The following ZNF354C variants were observed in gnomAD, a reference collection of about 807,000 sequenced individuals.
ZNF354C encodes zinc finger protein 354C.
A neutral mutation model predicts 12.4 loss-of-function variants in ZNF354C; 7 were observed. The ratio of observed to expected loss-of-function variants is 0.56; its 90% CI spans 0.32 to 1.06. ZNF354C has a LOEUF of 1.06. ZNF354C is among the 50% of genes least tolerant of loss of function. The pLI, the probability that ZNF354C is intolerant of heterozygous loss-of-function variation, is 0.04. For missense variants in ZNF354C, 609 were observed against 658.0 expected, an observed-to-expected ratio of 0.93 and a Z score of 0.81; for synonymous variants, 202 against 224.5, an observed-to-expected ratio of 0.90 and a Z score of 0.90.
At position 179,077,597 on chromosome 5, in the gene ZNF354C, G is replaced by T. The variant is rs77752441; in HGVS notation, c.250+431G>T. ...AGAAGAAATGAATATGTCTCTCTTT[G>T]TGATAAAATAAAAAGAGGAAAATAA... On this transcript the variant is annotated intron_variant, in intron 4 of 4. Transcript: ENST00000315475. Among the ~76,000 whole-genome samples the T allele has an allele frequency of 3.1e-3, 475 of 152,128 alleles. 2 individuals carry two copies. The highest frequency in any genetic ancestry group is 0.01 in the African/African-American group (435 of 41,500).
chr5:179,061,912 T>G, intron 1 of ZNF354C, 103 bp from the exon 2 acceptor site: 1 of 773,516 alleles, frequency 1.3e-6, no homozygotes, highest in Non-Finnish European at 2.3e-6. Context: ...TTACGGGGGG[T>G]GGCTTTTTTG....
intron 2 of ZNF354C, among the ~76,000 whole-genome samples, chr5:179,066,287 A>G (rs1409876998): frequency 6.6e-6 from 1 of 152,266 alleles, no homozygotes; most frequent in African/African-American, 2.4e-5. Context: ...CTTATAACAG[A>G]GTATTCCCCT....
At chr5:179,069,762 A>C (rs1464372933) in intron 2 of ZNF354C, among the ~76,000 whole-genome samples, 4 of 151,394 alleles carry the variant, frequency 2.6e-5, no homozygotes. Flanking sequence ...GCTACTCGGG[A>C]GGCTGAGGCA....
chr5:179,063,564 A>G (rs936582360), intron 2 of ZNF354C, among the ~76,000 whole-genome samples: 7 of 152,244 alleles, frequency 4.6e-5, no homozygotes, highest in African/African-American at 1.7e-4. Context: ...TGTCTCAAAA[A>G]GAACCCCAAA....
intron 4 of ZNF354C, among the ~76,000 whole-genome samples, chr5:179,078,098 G>A (rs990547987): frequency 6.6e-6 from 1 of 152,188 alleles, no homozygotes; most frequent in East Asian, 1.9e-4. Context: ...ACCGCGCCCG[G>A]CCTGTCTTCT....
chr5:179,071,042 G>A (rs1290799143), intron 2 of ZNF354C, among the ~76,000 whole-genome samples: 3 of 151,514 alleles, frequency 2.0e-5, no homozygotes, highest in African/African-American at 4.9e-5. Context: ...TAGTAGAGAC[G>A]GCATTTCACT....
rs535788916 is a variant in ZNF354C at position 179,072,175 on chromosome 5, G to A, written c.28-4270G>A. ...TATAACTGTGCTCAAGGACTTAAAG[G>A]AAAATATACATGTAAAGAATGAACT... On this transcript the variant is annotated intron_variant, in intron 2 of 4. Transcript: ENST00000315475. Among the ~76,000 whole-genome samples the A allele has an allele frequency of 9.9e-5, 15 of 151,884 alleles. No homozygotes were observed. In the South Asian group the frequency reaches 2.7e-3, roughly 27 times the overall value.
At chr5:179,068,926 C>T (rs4360029) in intron 2 of ZNF354C, among the ~76,000 whole-genome samples, 6 of 152,376 alleles carry the variant, frequency 3.9e-5, no homozygotes, top group South Asian at 2.1e-4. Flanking sequence ...GCCTCTCCTG[C>T]GCATGAGCGT....
chr5:179,065,463 C>T (rs958577005), intron 2 of ZNF354C, among the ~76,000 whole-genome samples: 4 of 152,058 alleles, frequency 2.6e-5, no homozygotes, highest in Non-Finnish European at 5.9e-5. Flanking sequence ...GTCACCCAGG[C>T]TGGAGTGCAA....
chr5:179,075,108 A>G (rs182480986), intron 2 of ZNF354C, among the ~76,000 whole-genome samples: 5 of 152,046 alleles, frequency 3.3e-5, no homozygotes, highest in Admixed American at 2.0e-4. Flanking sequence ...TATACAAAAA[A>G]ATTAGCCGGG....
intron 2 of ZNF354C, among the ~76,000 whole-genome samples, chr5:179,066,542 G>A (rs1352475602): frequency 6.6e-6 from 1 of 152,154 alleles, no homozygotes; most frequent in East Asian, 1.9e-4. Context: ...CAGGACTGCT[G>A]GTAATGAATT....
At chr5:179,061,863 C>T (rs191255632) in intron 1 of ZNF354C, among the ~76,000 whole-genome samples, 152 bp from the exon 2 acceptor site, 1 of 152,292 alleles carries the variant, frequency 6.6e-6, no homozygotes, top group Admixed American at 6.5e-5. Flanking sequence ...TGGCACATTG[C>T]CCTAGTAAAC....
chr5:179,069,729 G>C (rs1265974908), intron 2 of ZNF354C, among the ~76,000 whole-genome samples: 2 of 150,194 alleles, frequency 1.3e-5, no homozygotes, highest in South Asian at 4.2e-4. Context: ...AGCCGGGCGC[G>C]GTGGCGGGCG....
chr5:179,067,998 G>GA (rs1761981712), intron 2 of ZNF354C, among the ~76,000 whole-genome samples: 1 of 152,098 alleles, frequency 6.6e-6, no homozygotes, highest in African/African-American at 2.4e-5. Context: ...TGGCTCTACA[G>GA]AAAAACAAGA....
Position 179,068,335 on chromosome 5 carries a change from C to T in ZNF354C, c.27+6240C>T, listed in dbSNP as rs970736542. Among the ~76,000 whole-genome samples, 104 of 152,284 alleles carry T rather than the reference C, an allele frequency of 6.8e-4. 1 individual carries two copies. Among genetic ancestry groups the T allele is most frequent in the African/African-American group, 2.5e-3 (102 of 41,554 alleles). On this transcript the variant is annotated intron_variant, in intron 2 of 4. Coordinates refer to ENST00000315475, the MANE Select transcript of ZNF354C (RefSeq NM_014594.3). Reference sequence around the variant, plus strand: ...GGAGAGAATCCCTAACATTGCACTGCGTGTTCTTTTGCATCCTTTCTATTT... The same window carrying T: ...GGAGAGAATCCCTAACATTGCACTGTGTGTTCTTTTGCATCCTTTCTATTT...
At chr5:179,075,154 G>A (rs1279039538) in intron 2 of ZNF354C, among the ~76,000 whole-genome samples, 1 of 152,090 alleles carries the variant, frequency 6.6e-6, no homozygotes, top group Admixed American at 6.5e-5. Flanking sequence ...AGCTACTCGG[G>A]AGGCTGAGGC....
At chr5:179,064,276 C>T (rs1761931859) in intron 2 of ZNF354C, among the ~76,000 whole-genome samples, 1 of 152,068 alleles carries the variant, frequency 6.6e-6, no homozygotes, top group African/African-American at 2.4e-5. Context: ...GAGTTTTGCT[C>T]TGTCGCCCAG....
chr5:179,078,625 G>A (rs10056181), intron 4 of ZNF354C, 58 bp from the exon 5 acceptor site: 21 of 1,397,088 alleles, frequency 1.5e-5, no homozygotes, highest in Middle Eastern at 1.9e-4. Context: ...TTGTCTCACC[G>A]ATACATCAGT....
chr5:179,062,111 G>A lies in ZNF354C; in HGVS notation c.27+16G>A. 1 of 1,614,124 alleles carries A rather than the reference G, an allele frequency of 6.2e-7. No individual in the cohort carries two copies. The highest frequency in any genetic ancestry group is 8.5e-7 in the Non-Finnish European group (1 of 1,180,000). On this transcript the variant is annotated intron_variant, in intron 2 of 4. Transcript: ENST00000315475. ...GTCTGCTCAGGTGAGAGTGAGTGAA[G>A]GTTGTCTTTTTCATCAGTTGGCTTC...
Sources: gnomAD v4.1 joint callset for allele counts (sites outside exome capture counted in the v4.1 genomes callset) on GRCh38, gnomAD v4.1.1 for gene constraint, MANE v1.5 for transcripts, NCBI Gene and HGNC (gene_info 2026-07-23, HGNC 2026-07-21) for gene names.